The following PCSK5 variants were observed in gnomAD, a reference collection of about 807,000 sequenced individuals.
PCSK5 encodes the protein prohormone convertase 5.
Under a neutral mutation model 233.2 loss-of-function variants are expected in PCSK5, and 129 were observed. The ratio of observed to expected loss-of-function variants is 0.55; its 90% CI spans 0.48 to 0.64. The LOEUF is 0.64. Ranked by LOEUF, PCSK5 falls within the 30% of genes least tolerant of loss-of-function variation. PCSK5 has a pLI of 0.00. For synonymous variants in PCSK5, 825 were observed against 879.2 expected, an observed-to-expected ratio of 0.94 and a Z score of 1.09; for missense variants, 2,076 against 2,430.1, an observed-to-expected ratio of 0.85 and a Z score of 3.06.
chr9:75,972,057 A>T (rs56082900), intron 2 of PCSK5, among the ~76,000 whole-genome samples: 3,786 of 151,980 alleles, frequency 0.025, 66 homozygotes, highest in Non-Finnish European at 0.035. Flanking sequence ...ATTTTTGTAT[A>T]AGGTATAAAG....
chr9:76,044,193 G>T (rs1327321249), intron 5 of PCSK5, among the ~76,000 whole-genome samples: 1 of 152,186 alleles, frequency 6.6e-6, no homozygotes, highest in South Asian at 2.1e-4. Context: ...AACAACTTCA[G>T]ATGTAGAATT....
Position 76,164,954 on chromosome 9 carries a change from CTT to C in PCSK5, c.1620-4749_1620-4748del, listed in dbSNP as rs139586989. Among the ~76,000 whole-genome samples the C allele has an allele frequency of 5.6e-3, 822 of 148,026 alleles. 16 individuals carry two copies. The East Asian group carries it at 0.082, about 15-fold the overall frequency. On this transcript the variant is annotated intron_variant, in intron 12 of 37. Transcript: ENST00000674117. ...AGGTTTTTTACCAAAAAAAAAAAAA[CTT>C]ATCATTTTAGGTATTACAGACCTCT...
At chr9:75,904,846 A>ATAAG (rs1826191258) in intron 1 of PCSK5, among the ~76,000 whole-genome samples, 1 of 152,232 alleles carries the variant, frequency 6.6e-6, no homozygotes, top group Non-Finnish European at 1.5e-5. Context: ...AATCTTGTAG[A>ATAAG]TAAGTGTTCA....
chr9:76,061,157 C>T (rs996834561), intron 5 of PCSK5, among the ~76,000 whole-genome samples: 3 of 151,946 alleles, frequency 2.0e-5, no homozygotes, highest in Admixed American at 6.5e-5. Context: ...TATTAACAAA[C>T]CAACAGTATA....
chr9:76,166,874 C>A (rs1489023299), intron 12 of PCSK5, among the ~76,000 whole-genome samples: 3 of 152,172 alleles, frequency 2.0e-5, no homozygotes, highest in African/African-American at 7.2e-5. Flanking sequence ...TGAAAAAGCT[C>A]CTCTTCCCCT....
chr9:75,901,367 A>G (rs1342943944), intron 1 of PCSK5, among the ~76,000 whole-genome samples: 1 of 152,226 alleles, frequency 6.6e-6, no homozygotes, highest in African/African-American at 2.4e-5. Flanking sequence ...AAAGTAACAC[A>G]GGAACAGAAA....
At chr9:76,225,163 AG>A (rs1183250227) in intron 20 of PCSK5, among the ~76,000 whole-genome samples, 2 of 152,184 alleles carry the variant, frequency 1.3e-5, no homozygotes, top group African/African-American at 4.8e-5. Context: ...GGCCTGTCTG[AG>A]GAAGTAGAAG....
intron 1 of PCSK5, among the ~76,000 whole-genome samples, chr9:75,892,949 T>C (rs1012440578): frequency 2.0e-5 from 3 of 152,208 alleles, no homozygotes; most frequent in African/African-American, 7.2e-5. Flanking sequence ...GTGACTGTTA[T>C]CTGCGGAAGA....
chr9:76,244,246 A>T (rs1826514597), intron 24 of PCSK5, among the ~76,000 whole-genome samples: 1 of 152,226 alleles, frequency 6.6e-6, no homozygotes, highest in Admixed American at 6.5e-5. Context: ...AATATTTAAA[A>T]TTAAAAAATG....
At chr9:76,356,214 T>C (rs1481552898) in intron 37 of PCSK5, among the ~76,000 whole-genome samples, 1 of 152,228 alleles carries the variant, frequency 6.6e-6, no homozygotes, top group Non-Finnish European at 1.5e-5. Flanking sequence ...AGTTTGTGCA[T>C]GTTGCATGCA....
At chr9:75,924,530 G>T (rs1214954903) in intron 1 of PCSK5, among the ~76,000 whole-genome samples, 1 of 151,960 alleles carries the variant, frequency 6.6e-6, no homozygotes, top group Non-Finnish European at 1.5e-5. Context: ...TTTATTGCCG[G>T]CATGGAAACA....
intron 5 of PCSK5, among the ~76,000 whole-genome samples, chr9:76,063,348 T>A (rs866591973): frequency 2.3e-3 from 205 of 90,734 alleles, no homozygotes; most frequent in Middle Eastern, 5.6e-3. Flanking sequence ...TTTTTTTTTT[T>A]ATTGATAATT....
chr9:76,343,730 C>T (rs548039464), intron 35 of PCSK5, among the ~76,000 whole-genome samples: 1 of 152,206 alleles, frequency 6.6e-6, no homozygotes, highest in East Asian at 1.9e-4. Flanking sequence ...ATCACTTCCT[C>T]CAGAAAACCT....
intron 9 of PCSK5, among the ~76,000 whole-genome samples, chr9:76,129,891 T>G (rs1822687771): frequency 1.3e-5 from 2 of 152,106 alleles, no homozygotes; most frequent in Admixed American, 6.6e-5. Context: ...AGTGATAGTG[T>G]CATTAATTAT....
chr9:76,037,520 A>G (rs1189339641), intron 5 of PCSK5, among the ~76,000 whole-genome samples: 1 of 152,182 alleles, frequency 6.6e-6, no homozygotes, highest in Non-Finnish European at 1.5e-5. Context: ...CTCAGAGGGC[A>G]AGTGGTTAGT....
At chr9:76,087,464 G>T (rs1831111119) in intron 7 of PCSK5, among the ~76,000 whole-genome samples, 1 of 152,184 alleles carries the variant, frequency 6.6e-6, no homozygotes, top group African/African-American at 2.4e-5. Context: ...TTAGAAAACT[G>T]ACCTGAAGTC....
chr9:76,122,798 A>G (rs985084933), intron 9 of PCSK5, among the ~76,000 whole-genome samples: 2 of 150,630 alleles, frequency 1.3e-5, no homozygotes, highest in Non-Finnish European at 3.0e-5. Context: ...CTGTGCTTCC[A>G]TCAGTTACTT....
chr9:76,188,802 T>G (rs1354702312), intron 18 of PCSK5, 127 bp downstream of exon 18: 1 of 701,308 alleles, frequency 1.4e-6, no homozygotes, highest in African/African-American at 1.8e-5. Context: ...ATTTCTCGTT[T>G]GATAATTGTG....
At chr9:76,017,055 TG>T (rs1346528448) in intron 3 of PCSK5, among the ~76,000 whole-genome samples, 2 of 151,934 alleles carry the variant, frequency 1.3e-5, no homozygotes, top group Non-Finnish European at 2.9e-5. Flanking sequence ...ATGGGGACCA[TG>T]GTTCTAGCAG....
Sources: gnomAD v4.1 joint callset for allele counts (sites outside exome capture counted in the v4.1 genomes callset) on GRCh38, gnomAD v4.1.1 for gene constraint, MANE v1.5 for transcripts, NCBI Gene and HGNC (gene_info 2026-07-23, HGNC 2026-07-21) for gene names.